The following LRPPRC variants were observed in gnomAD, a reference collection of about 807,000 sequenced individuals.
LRPPRC encodes the protein leucine-rich PPR motif-containing protein, mitochondrial.
A neutral mutation model predicts 180.3 loss-of-function variants in LRPPRC; 120 were observed. That is an observed-to-expected ratio of 0.67 (90% CI 0.57 to 0.77). The LOEUF is 0.77. LRPPRC is among the 30% of genes least tolerant of loss of function. The pLI is 0.00. For missense variants in LRPPRC, 2,012 were observed against 1,657.2 expected (o/e 1.21, Z -3.72); for synonymous variants, 723 against 600.0 (o/e 1.21, Z -3.00).
intron 25 of LRPPRC, among the ~76,000 whole-genome samples, chr2:43,933,972 T>C (rs1672181522): frequency 6.6e-6 from 1 of 152,036 alleles, no homozygotes; most frequent in South Asian, 2.1e-4. Context: ...TTTAACAAAG[T>C]GAGGAAACAA....
chr2:43,975,248 T>A, intron 6 of LRPPRC, 31 bp from the exon 7 acceptor site: 2 of 1,598,568 alleles, frequency 1.3e-6, no homozygotes, highest in Non-Finnish European at 1.7e-6. Context: ...CAGATTATTA[T>A]GCTTTTGCCA....
intron 36 of LRPPRC, chr2:43,890,409 TACAC>T (rs891974362): frequency 8.6e-6 from 4 of 463,032 alleles, no homozygotes; most frequent in Admixed American, 2.5e-5. Flanking sequence ...GCTACAATGA[TACAC>T]ACACACAAAA....
rs1670344222 is a variant in LRPPRC at position 43,888,310 on chromosome 2, A to T, written c.*290T>A. The T allele has an allele frequency of 3.0e-6, 1 of 335,708 alleles. No individual in the cohort carries two copies. Among genetic ancestry groups the T allele is most frequent in the Non-Finnish European group, 5.6e-6 (1 of 179,126 alleles). 20.8% of individuals were successfully genotyped at this position (335,708 alleles called of 1,614,324 possible). On this transcript the variant is annotated 3_prime_UTR_variant, in exon 38 of 38. Coordinates refer to ENST00000260665, the MANE Select transcript of LRPPRC (RefSeq NM_133259.4). ...ATAACATTTTAATGAAATAAATGAA[A>T]CAGAGCAGGGAAACCAAAGAGCCAA...
In LRPPRC at chr2:43,886,615, C is replaced by A. The variant is rs1048026359; in HGVS notation, c.*1985G>T. On this transcript the variant is annotated 3_prime_UTR_variant, in exon 38 of 38. Transcript: ENST00000260665. ...TTACCTATTTCCTCTGTACCACACT[C>A]ACATTTTACCAGAGTCCATATACAG... 2 of 152,244 alleles carry A rather than the reference C, an allele frequency of 1.3e-5. No homozygotes were observed. The highest frequency in any genetic ancestry group is 2.9e-5 in the Non-Finnish European group (2 of 68,054). The allele number at this position is 152,244 out of a possible 1,614,324, so 9.4% of individuals were successfully genotyped here.
Position 43,888,325 on chromosome 2 carries a change from C to G in LRPPRC, c.*275G>C, listed in dbSNP as rs1488071721. 2.8e-6 allele frequency: 1 copy of G among 360,044 alleles called. No homozygotes were observed. Among genetic ancestry groups the G allele is most frequent in the African/African-American group, 2.1e-5 (1 of 47,810 alleles). 22.3% of individuals were successfully genotyped at this position (360,044 alleles called of 1,614,324 possible). On this transcript the variant is annotated 3_prime_UTR_variant, in exon 38 of 38. Transcript: ENST00000260665. ...AATAAATGAAACAGAGCAGGGAAAC[C>G]AAAGAGCCAATTAGGGGAAGAATCC...
intron 23 of LRPPRC, among the ~76,000 whole-genome samples, chr2:43,942,728 C>G (rs936703601): frequency 6.6e-6 from 1 of 151,888 alleles, no homozygotes; most frequent in Non-Finnish European, 1.5e-5. Flanking sequence ...TTATTTTTCT[C>G]CTGGCATCAA....
At chr2:43,977,634 CTG>C (rs1674119866) in intron 3 of LRPPRC, among the ~76,000 whole-genome samples, 1 of 152,152 alleles carries the variant, frequency 6.6e-6, no homozygotes, top group Non-Finnish European at 1.5e-5. Flanking sequence ...TACAGACACA[CTG>C]TGAAGAATGG....
Position 43,937,958 on chromosome 2 carries a change from A to T in LRPPRC, c.2505-3080T>A, listed in dbSNP as rs150634111. Among the ~76,000 whole-genome samples, 35 of 152,336 alleles carry T rather than the reference A, an allele frequency of 2.3e-4. No individual in the cohort carries two copies. In the East Asian group the frequency reaches 6.4e-3, roughly 28 times the overall value. On this transcript the variant is annotated intron_variant, in intron 23 of 37. Transcript: ENST00000260665. ...CTGTGAATTTCTTTGAGCACTAGAA[A>T]TGATTTAAATCCTGCTAAGAAATAA... is the stretch of plus-strand genomic sequence containing the variant.
chr2:43,961,627 T>C (rs547193228), intron 12 of LRPPRC, among the ~76,000 whole-genome samples: 6 of 152,218 alleles, frequency 3.9e-5, no homozygotes, highest in Non-Finnish European at 8.8e-5. Flanking sequence ...TTCTGAAAAC[T>C]AATTTAAAAA....
chr2:43,990,419 C>T (rs868300191), intron 1 of LRPPRC, among the ~76,000 whole-genome samples: 1 of 152,150 alleles, frequency 6.6e-6, no homozygotes, highest in East Asian at 1.9e-4. Flanking sequence ...GTTGTTCCAT[C>T]CCCACGTTCC....
At chr2:43,980,561 A>C (rs1338172913) in intron 2 of LRPPRC, among the ~76,000 whole-genome samples, 2 of 113,794 alleles carry the variant, frequency 1.8e-5, no homozygotes, top group Non-Finnish European at 3.5e-5. Context: ...TTCAAAAAAA[A>C]AAAAAAAAAG....
At position 43,945,411 on chromosome 2, in the gene LRPPRC, G is replaced by A. The variant is rs1572952220; in HGVS notation, c.2217C>T (p.Arg739=). 1 of 1,606,538 alleles carries A rather than the reference G, an allele frequency of 6.2e-7. No individual in the cohort carries two copies. Among genetic ancestry groups the A allele is most frequent in the Non-Finnish European group, 8.5e-7 (1 of 1,173,394 alleles). Residue 739 remains arginine (R), a synonymous_variant, in exon 22 of 38, where the codon CGC becomes CGT. Transcript: ENST00000260665. Reference sequence around the variant, plus strand: ...TGTCAAGGACAGCAGATGAATCTAAGCGGTCACTAAAAATTAAAGCCACAT... The same window carrying A: ...TGTCAAGGACAGCAGATGAATCTAAACGGTCACTAAAAATTAAAGCCACAT... ...DALNLKEEFD[R]LDSSAVLDTG...
chr2:43,917,947 G>T lies in LRPPRC; in HGVS notation c.3148+78C>A, dbSNP rs575863561. 1.7e-5 allele frequency: 16 copies of T among 951,874 alleles called. No individual in the cohort carries two copies. The African/African-American group carries it at 2.6e-4, about 15-fold the overall frequency. The allele number at this position is 951,874 out of a possible 1,614,324, so 59.0% of individuals were successfully genotyped here. A position where few individuals can be genotyped will look rare whatever the true frequency, so the allele number is the denominator to read the frequency against. On this transcript the variant is annotated intron_variant, in intron 29 of 37. Transcript: ENST00000260665. ...TCTCTATCCTAGAGCACTTCTAATT[G>T]GTTGGGCTTACACCCCACACTGCTA... is the stretch of plus-strand genomic sequence containing the variant.
intron 27 of LRPPRC, among the ~76,000 whole-genome samples, chr2:43,920,306 T>C (rs571748268): frequency 2.0e-5 from 3 of 152,164 alleles, no homozygotes; most frequent in Middle Eastern, 6.8e-3. Flanking sequence ...CCACTAATTT[T>C]TGTATTTTTA....
At chr2:43,984,612 A>G (rs573150976) in intron 1 of LRPPRC, among the ~76,000 whole-genome samples, 12 of 152,352 alleles carry the variant, frequency 7.9e-5, no homozygotes, top group Admixed American at 7.8e-4. Context: ...TATATGGTCC[A>G]GAACTTATTT....
At chr2:43,973,567 T>C (rs368596901) in intron 11 of LRPPRC, 40 bp downstream of exon 11, 5 of 1,285,446 alleles carry the variant, frequency 3.9e-6, no homozygotes, top group Non-Finnish European at 5.7e-6. Context: ...TCATACTGGC[T>C]CTGGGAACCA....
At chr2:43,969,564 T>C (rs1378920222) in intron 11 of LRPPRC, among the ~76,000 whole-genome samples, 1 of 152,160 alleles carries the variant, frequency 6.6e-6, no homozygotes, top group East Asian at 1.9e-4. Flanking sequence ...CAGTGGCTCC[T>C]TGTTGCCAAT....
chr2:43,899,435 G>C lies in LRPPRC; in HGVS notation c.3709+31C>G, dbSNP rs187160273. 1.5e-4 allele frequency: 241 copies of C among 1,613,718 alleles called. No homozygotes were observed. The Admixed American group carries it at 3.8e-3, about 25-fold the overall frequency. On this transcript the variant is annotated intron_variant, in intron 33 of 37. Coordinates refer to ENST00000260665, the MANE Select transcript of LRPPRC (RefSeq NM_133259.4). Reference sequence around the variant, plus strand: ...GTCTCACTAGAGAGAAAATGTGCTTGTGTGTTCTTTAGCACAAACAACTAA... The same window carrying C: ...GTCTCACTAGAGAGAAAATGTGCTTCTGTGTTCTTTAGCACAAACAACTAA...
chr2:43,982,481 G>A (rs1674357088), intron 1 of LRPPRC, 47 bp from the exon 2 acceptor site: 1 of 1,442,952 alleles, frequency 6.9e-7, no homozygotes, highest in Non-Finnish European at 9.7e-7. Flanking sequence ...TATCTATTTA[G>A]GTCATTTTTT....
Sources: gnomAD v4.1 joint callset for allele counts (sites outside exome capture counted in the v4.1 genomes callset) on GRCh38, gnomAD v4.1.1 for gene constraint, MANE v1.5 for transcripts, NCBI Gene and HGNC (gene_info 2026-07-23, HGNC 2026-07-21) for gene names.